RUNX2: variants seen among roughly 807,000 people sequenced by gnomAD.
RUNX2 encodes the protein RUNX family transcription factor 2.
RUNX2 carries 10 observed loss-of-function variants against 51.7 expected under a neutral mutation model. That is an observed-to-expected ratio of 0.19 (90% CI 0.12 to 0.33). The LOEUF (loss-of-function observed/expected upper bound fraction) is 0.33, where lower values mean the gene tolerates loss of function less well. Ranked by LOEUF, RUNX2 falls within the 10% of genes least tolerant of loss-of-function variation. RUNX2 has a pLI of 1.00. For synonymous variants in RUNX2, 276 were observed against 273.6 expected, an observed-to-expected ratio of 1.01 and a Z score of -0.09; for missense variants, 562 against 691.3, an observed-to-expected ratio of 0.81 and a Z score of 2.10.
chr6:45,528,887 T>G (rs1385260878), intron 7 of RUNX2, among the ~76,000 whole-genome samples: 1 of 152,144 alleles, frequency 6.6e-6, no homozygotes, highest in Admixed American at 6.5e-5. Flanking sequence ...GACTGAGAAA[T>G]TGGGGCTTAT....
At chr6:45,470,539 C>T (rs533430918) in intron 5 of RUNX2, among the ~76,000 whole-genome samples, 1 of 152,312 alleles carries the variant, frequency 6.6e-6, no homozygotes, top group African/African-American at 2.4e-5. Context: ...ATGAGTGATA[C>T]AGACAAGAGT....
intron 3 of RUNX2, among the ~76,000 whole-genome samples, chr6:45,427,688 T>C (rs1318076754): frequency 3.9e-5 from 6 of 152,156 alleles, no homozygotes; most frequent in Admixed American, 3.9e-4. Context: ...TTTTGGCCTA[T>C]AAGAGTAATT....
At chr6:45,453,110 C>T (rs2677100) in intron 5 of RUNX2, among the ~76,000 whole-genome samples, 108,788 of 151,830 alleles carry the variant, frequency 0.72, 39,568 homozygotes, top group East Asian at 0.95. Context: ...CTCCCCCACC[C>T]CTCCCCCCAA....
chr6:45,477,290 CCT>C (rs1799983852), intron 5 of RUNX2, among the ~76,000 whole-genome samples: 1 of 152,176 alleles, frequency 6.6e-6, no homozygotes, highest in African/African-American at 2.4e-5. Flanking sequence ...GTACCCATTC[CCT>C]GAGTGTCCTC....
intron 7 of RUNX2, among the ~76,000 whole-genome samples, chr6:45,528,586 A>C (rs569539892): frequency 1.2e-4 from 18 of 151,970 alleles, no homozygotes; most frequent in African/African-American, 4.3e-4. Flanking sequence ...GTGCCACTGC[A>C]CTCCAGCCTG....
At chr6:45,420,665 G>C (rs1472855245) in intron 2 of RUNX2, among the ~76,000 whole-genome samples, 1 of 152,192 alleles carries the variant, frequency 6.6e-6, no homozygotes, top group Admixed American at 6.5e-5. Context: ...GCTTTGGAAG[G>C]CTTTAAAGAG....
At chr6:45,472,039 C>T (rs1384254886) in intron 5 of RUNX2, among the ~76,000 whole-genome samples, 1 of 151,702 alleles carries the variant, frequency 6.6e-6, no homozygotes, top group Non-Finnish European at 1.5e-5. Context: ...CTTGGTTCTT[C>T]TTTTTTTTAA....
intron 3 of RUNX2, 64 bp downstream of exon 3, chr6:45,423,021 C>A (rs1798266382): frequency 1.9e-6 from 3 of 1,580,766 alleles, no homozygotes; most frequent in Non-Finnish European, 1.7e-6. Flanking sequence ...CCGGTGTCTT[C>A]CTGCCCACGG....
chr6:45,386,889 A>C (rs899784308), intron 2 of RUNX2, among the ~76,000 whole-genome samples: 1 of 152,194 alleles, frequency 6.6e-6, no homozygotes, highest in African/African-American at 2.4e-5. Context: ...TTATCTAATA[A>C]AAGATGGTGA....
chr6:45,547,347 C>A lies in RUNX2; in HGVS notation c.*42C>A. On this transcript the variant is annotated 3_prime_UTR_variant, in exon 9 of 9. Coordinates refer to ENST00000647337, the MANE Select transcript of RUNX2 (RefSeq NM_001024630.4). Reference sequence around the variant, plus strand: ...CCCAGTGGTATCTGGGGGCCACATCCCACACGTATCAATATATACATATAT... The same window carrying A: ...CCCAGTGGTATCTGGGGGCCACATCACACACGTATCAATATATACATATAT... 1.4e-6 allele frequency: 2 copies of A among 1,391,420 alleles called. No homozygotes were observed. Among genetic ancestry groups the A allele is most frequent in the East Asian group, 2.3e-5 (1 of 43,916 alleles). 86.2% of individuals were successfully genotyped at this position (1,391,420 alleles called of 1,614,324 possible).
At chr6:45,497,906 T>C (rs933616710) in intron 6 of RUNX2, among the ~76,000 whole-genome samples, 6 of 152,220 alleles carry the variant, frequency 3.9e-5, no homozygotes, top group African/African-American at 1.4e-4. Context: ...TTCTAGTGTC[T>C]GTTTGATTGA....
intron 2 of RUNX2, among the ~76,000 whole-genome samples, chr6:45,338,942 T>C (rs1056622586): frequency 6.6e-6 from 1 of 151,980 alleles, no homozygotes; most frequent in Non-Finnish European, 1.5e-5. Context: ...TGAAGACACA[T>C]AAGTATAAAC....
chr6:45,530,280 T>C (rs572885492), intron 7 of RUNX2, among the ~76,000 whole-genome samples: 4 of 152,316 alleles, frequency 2.6e-5, no homozygotes, highest in Admixed American at 2.0e-4. Context: ...TAGTTAGAAG[T>C]TTGAAAACAA....
chr6:45,546,092 A>G (rs1199074080), intron 8 of RUNX2, among the ~76,000 whole-genome samples: 1 of 152,134 alleles, frequency 6.6e-6, no homozygotes, highest in East Asian at 1.9e-4. Context: ...GGTCTAAATC[A>G]GGTCACAAGT....
In RUNX2 at chr6:45,353,316, T is replaced by G. The variant is rs116456880; in HGVS notation, c.58+24532T>G. Among the ~76,000 whole-genome samples, 1,247 of 151,890 alleles carry G rather than the reference T, an allele frequency of 8.2e-3. 16 individuals are homozygous for G. Among genetic ancestry groups the G allele is most frequent in the African/African-American group, 0.028 (1,170 of 41,442 alleles). ...ATTCCTAAAAATTCATCTGGAAAAA[T>G]AAAAATAGGAAAAGAGTCAAAAATA... On this transcript the variant is annotated intron_variant, in intron 2 of 8. Transcript: ENST00000647337.
intron 2 of RUNX2, 147 bp from the exon 3 acceptor site, chr6:45,422,446 C>T (rs971373512): frequency 4.5e-6 from 3 of 673,498 alleles, no homozygotes; most frequent in African/African-American, 1.8e-5. Context: ...CTTGATTTCT[C>T]ACCTCCTCAG....
At chr6:45,457,919 T>C (rs1256353564) in intron 5 of RUNX2, among the ~76,000 whole-genome samples, 1 of 151,956 alleles carries the variant, frequency 6.6e-6, no homozygotes, top group Non-Finnish European at 1.5e-5. Flanking sequence ...CTGGTTAATA[T>C]GACAAGGAAG....
intron 2 of RUNX2, among the ~76,000 whole-genome samples, chr6:45,332,154 G>A (rs558846936): frequency 6.5e-4 from 99 of 151,792 alleles, no homozygotes; most frequent in Non-Finnish European, 1.3e-3. Flanking sequence ...CACACTGGTG[G>A]TCCTCAAGTA....
At chr6:45,392,892 C>T (rs893322461) in intron 2 of RUNX2, among the ~76,000 whole-genome samples, 2 of 152,112 alleles carry the variant, frequency 1.3e-5, no homozygotes, top group Admixed American at 6.5e-5. Context: ...TAGTAATCGG[C>T]CCACAGTTCT....
Sources: gnomAD v4.1 joint callset for allele counts (sites outside exome capture counted in the v4.1 genomes callset) on GRCh38, gnomAD v4.1.1 for gene constraint, MANE v1.5 for transcripts, NCBI Gene and HGNC (gene_info 2026-07-23, HGNC 2026-07-21) for gene names.